The following ASB3 variants were observed in gnomAD, a reference collection of about 807,000 sequenced individuals.
ASB3 encodes the protein ankyrin repeat and SOCS box containing 3, also known as ankyrin repeat and SOCS box protein 3.
A neutral mutation model predicts 54.5 loss-of-function variants in ASB3; 41 were observed. The ratio of observed to expected loss-of-function variants is 0.75; its 90% CI spans 0.59 to 0.98. ASB3 has a LOEUF of 0.98. Among genes scored for constraint, ASB3 ranks in the 50% least tolerant of loss-of-function variants. The pLI is 0.00. For missense variants in ASB3, 733 were observed against 620.0 expected (o/e 1.18, Z -1.94); for synonymous variants, 266 against 221.2 (o/e 1.20, Z -1.80).
intron 7 of ASB3, among the ~76,000 whole-genome samples, chr2:53,711,498 A>T (rs914438752): frequency 6.6e-6 from 1 of 152,174 alleles, no homozygotes; most frequent in African/African-American, 2.4e-5. Context: ...CAGAAGAAAA[A>T]GAAGGCCAGG....
chr2:53,707,334 T>C lies in ASB3; in HGVS notation c.981-6806A>G, dbSNP rs1392635736. ...GATCAGCAGCATTGGCACCATCTTG[T>C]TAGCTTGTTAGAAATGCAGAGTATG... On this transcript the variant is annotated intron_variant, in intron 7 of 9. Coordinates refer to ENST00000263634, the MANE Select transcript of ASB3 (RefSeq NM_016115.5). 2.6e-5 allele frequency among the ~76,000 whole-genome samples: 4 copies of C among 152,296 alleles called. No homozygotes were observed. The East Asian group carries it at 7.7e-4, about 29-fold the overall frequency.
At chr2:53,722,310 T>G (rs528867738) in intron 5 of ASB3, among the ~76,000 whole-genome samples, 1 of 152,056 alleles carries the variant, frequency 6.6e-6, no homozygotes, top group African/African-American at 2.4e-5. Flanking sequence ...GAGAGACTCC[T>G]CCCTAACTTG....
chr2:53,700,574 G>A (rs769159859), intron 7 of ASB3, 46 bp from the exon 8 acceptor site: 3 of 1,558,468 alleles, frequency 1.9e-6, no homozygotes, highest in East Asian at 2.2e-5. Context: ...GTTAGACTTT[G>A]ACATAAGATA....
At chr2:53,728,650 T>C (rs1671137109) in intron 5 of ASB3, 62 bp downstream of exon 5, 2 of 1,394,412 alleles carry the variant, frequency 1.4e-6, no homozygotes, top group African/African-American at 1.4e-5. Flanking sequence ...GAATTATTCC[T>C]CTAGGAAATA....
intron 9 of ASB3, among the ~76,000 whole-genome samples, chr2:53,691,986 C>A (rs920540289): frequency 7.2e-5 from 11 of 152,188 alleles, no homozygotes; most frequent in African/African-American, 2.7e-4. Context: ...GATTTCTCAA[C>A]CTCGGCGCTA....
At chr2:53,716,314 G>C (rs896408771) in intron 6 of ASB3, among the ~76,000 whole-genome samples, 2 of 152,122 alleles carry the variant, frequency 1.3e-5, no homozygotes, top group African/African-American at 2.4e-5. Context: ...TCAATGGGAA[G>C]AGTCAACACC....
At chr2:53,739,717 C>A (rs1427286564) in intron 3 of ASB3, among the ~76,000 whole-genome samples, 1 of 151,890 alleles carries the variant, frequency 6.6e-6, no homozygotes, top group Non-Finnish European at 1.5e-5. Flanking sequence ...GCTCTGTTAC[C>A]CACGATGGAG....
At chr2:53,766,333 T>G (rs1410372830) in intron 1 of ASB3, among the ~76,000 whole-genome samples, 2 of 152,212 alleles carry the variant, frequency 1.3e-5, no homozygotes, top group Admixed American at 6.5e-5. Context: ...CCAGTATAGC[T>G]CTCATGTGAC....
chr2:53,693,850 T>C (rs765284041), intron 9 of ASB3, 34 bp downstream of exon 9: 9 of 1,602,502 alleles, frequency 5.6e-6, no homozygotes, highest in Non-Finnish European at 7.7e-6. Flanking sequence ...GAAGGAAAAG[T>C]AGTGAAGTGT....
chr2:53,686,380 A>C (rs1306998070), intron 9 of ASB3, among the ~76,000 whole-genome samples: 1 of 152,164 alleles, frequency 6.6e-6, no homozygotes, highest in African/African-American at 2.4e-5. Context: ...CACTGCCCCC[A>C]ACACCCTCCT....
At chr2:53,730,638 T>G (rs576952991) in intron 3 of ASB3, among the ~76,000 whole-genome samples, 3 of 152,310 alleles carry the variant, frequency 2.0e-5, no homozygotes, top group South Asian at 2.1e-4. Context: ...TCCACAATGG[T>G]TGAATTAATG....
chr2:53,714,378 A>G lies in ASB3; in HGVS notation c.980+6T>C. 6.2e-7 allele frequency: 1 copy of G among 1,614,034 alleles called. No individual in the cohort carries two copies. The highest frequency in any genetic ancestry group is 2.2e-5 in the East Asian group (1 of 44,882). ...TAAAAAATAAAAACATAGCAAATAT[A>G]CATACTCCTTTTGGAAAGCCATGCA... On this transcript the variant is annotated splice_donor_region_variant and intron_variant, in intron 7 of 9. Coordinates refer to ENST00000263634, the MANE Select transcript of ASB3 (RefSeq NM_016115.5).
At chr2:53,733,203 C>T (rs910707031) in intron 3 of ASB3, among the ~76,000 whole-genome samples, 3 of 152,158 alleles carry the variant, frequency 2.0e-5, no homozygotes, top group African/African-American at 7.2e-5. Flanking sequence ...AAGAGTGCTT[C>T]TGCCTTGAGA....
rs192998843 is a variant in ASB3 at position 53,700,711 on chromosome 2, C to T, written c.981-183G>A. Among the ~76,000 whole-genome samples, 6 of 152,170 alleles carry T rather than the reference C, an allele frequency of 3.9e-5. No individual in the cohort carries two copies. The East Asian group carries it at 1.2e-3, about 29-fold the overall frequency. On this transcript the variant is annotated intron_variant, in intron 7 of 9. Coordinates refer to ENST00000263634, the MANE Select transcript of ASB3 (RefSeq NM_016115.5). ...TGGTGGGGCTTTTGCTTTTTACACC[C>T]TCCTGCATGGTTTTTAATTTTCAAC... is the stretch of plus-strand genomic sequence containing the variant.
chr2:53,673,807 G>A (rs916079021), intron 9 of ASB3, among the ~76,000 whole-genome samples: 1 of 152,164 alleles, frequency 6.6e-6, no homozygotes, highest in South Asian at 2.1e-4. Flanking sequence ...TCAGGTATTG[G>A]TTCAAATTTT....
At chr2:53,715,204 A>G (rs7349309) in intron 6 of ASB3, among the ~76,000 whole-genome samples, 16,321 of 152,188 alleles carry the variant, frequency 0.11, 1,082 homozygotes, top group Non-Finnish European at 0.15. Context: ...GAAAATAATT[A>G]AAACAAAAGT....
intron 3 of ASB3, among the ~76,000 whole-genome samples, chr2:53,734,282 C>T (rs1160683150): frequency 6.6e-6 from 1 of 152,186 alleles, no homozygotes; most frequent in Admixed American, 6.5e-5. Flanking sequence ...TCTCATCATT[C>T]CTTCTCTACT....
At chr2:53,754,171 C>T (rs1672685978) in intron 2 of ASB3, among the ~76,000 whole-genome samples, 1 of 152,130 alleles carries the variant, frequency 6.6e-6, no homozygotes, top group Non-Finnish European at 1.5e-5. Flanking sequence ...AAATAAATTA[C>T]ATTGTATTGG....
rs1671182902 is a variant in ASB3, at chr2:53,729,476, C to A, written c.450G>T (p.Leu150Phe). The A allele has an allele frequency of 1.9e-6, 3 of 1,613,708 alleles. No homozygotes were observed. Among genetic ancestry groups the A allele is most frequent in the Non-Finnish European group, 2.5e-6 (3 of 1,179,774 alleles). Reference sequence around the variant, plus strand: ...AGGTTACCTGAAAAGAAGCCTGGTGCAAGGAGTTCCATCCACACATAGAAT... The same window carrying A: ...AGGTTACCTGAAAAGAAGCCTGGTGAAAGGAGTTCCATCCACACATAGAAT... Reference protein sequence around the residue: ...GSHSMCGWNSLHQASFQENAE... With the variant: ...GSHSMCGWNSFHQASFQENAE... Residue 150 changes from leucine (L) to phenylalanine (F), a missense_variant, in exon 4 of 10, where the codon TTG (leucine) becomes TTT (phenylalanine). Coordinates refer to ENST00000263634, the MANE Select transcript of ASB3 (RefSeq NM_016115.5).
Sources: allele counts gnomAD v4.1 joint callset (sites outside exome capture counted in the v4.1 genomes callset), GRCh38; gene constraint gnomAD v4.1.1; transcripts MANE v1.5; gene names NCBI Gene and HGNC (gene_info 2026-07-23, HGNC 2026-07-21).